Variants in RBMS3 observed in about 807,000 individuals in gnomAD.
The protein encoded by RBMS3 is RNA-binding motif, single-stranded-interacting protein 3.
In RBMS3, 27 loss-of-function variants were observed where a neutral mutation model predicts 66.8. That is an observed-to-expected ratio of 0.40 (90% CI 0.30 to 0.56). The LOEUF (loss-of-function observed/expected upper bound fraction) is 0.56, where lower values mean the gene tolerates loss of function less well. Among genes scored for constraint, RBMS3 ranks in the 20% least tolerant of loss-of-function variants. The pLI, the probability that RBMS3 is intolerant of heterozygous loss-of-function variation, is 0.40. For synonymous variants in RBMS3, 188 were observed against 183.0 expected (o/e 1.03, Z -0.22); for missense variants, 513 against 549.5 (o/e 0.93, Z 0.66).
chr3:29,883,000 G>T (rs963163030), intron 7 of RBMS3, among the ~76,000 whole-genome samples: 1 of 151,662 alleles, frequency 6.6e-6, no homozygotes, highest in African/African-American at 2.4e-5. Flanking sequence ...AGTAATTATA[G>T]TACACTATCA....
intron 12 of RBMS3, among the ~76,000 whole-genome samples, chr3:29,968,945 A>G (rs1261967789): frequency 6.6e-6 from 1 of 152,342 alleles, no homozygotes. Context: ...TGTAAGACAG[A>G]CGCAGAGTGA....
At chr3:29,726,672 A>C (rs1241338330) in intron 4 of RBMS3, among the ~76,000 whole-genome samples, 1 of 152,158 alleles carries the variant, frequency 6.6e-6, no homozygotes, top group Admixed American at 6.5e-5. Flanking sequence ...CTCTTCAAGG[A>C]GAACTACAAA....
chr3:29,792,509 C>T (rs2057047414), intron 6 of RBMS3, among the ~76,000 whole-genome samples: 1 of 152,114 alleles, frequency 6.6e-6, no homozygotes, highest in Non-Finnish European at 1.5e-5. Flanking sequence ...TAAAAAAAGA[C>T]ATCATGAACT....
chr3:29,956,142 T>G (rs1696027627), intron 12 of RBMS3, among the ~76,000 whole-genome samples: 1 of 152,132 alleles, frequency 6.6e-6, no homozygotes, highest in Admixed American at 6.6e-5. Flanking sequence ...CTTTCCCAAC[T>G]AGTTTTCTTT....
At chr3:29,998,372 A>G (rs561006036) in intron 14 of RBMS3, among the ~76,000 whole-genome samples, 10 of 152,306 alleles carry the variant, frequency 6.6e-5, no homozygotes, top group Admixed American at 5.9e-4. Context: ...TGCCATCCCC[A>G]TCAAGCTACC....
chr3:29,816,236 T>C (rs1420724102), intron 6 of RBMS3, among the ~76,000 whole-genome samples: 1 of 151,620 alleles, frequency 6.6e-6, no homozygotes, highest in Non-Finnish European at 1.5e-5. Context: ...CACAGAAGAC[T>C]GCCCGATTAG....
intron 4 of RBMS3, among the ~76,000 whole-genome samples, chr3:29,669,084 C>T (rs1168640432): frequency 6.6e-6 from 1 of 152,204 alleles, no homozygotes; most frequent in African/African-American, 2.4e-5. Flanking sequence ...GTGCCCCACG[C>T]CCTCTGGGTA....
At chr3:29,428,573 TAA>T (rs36117390) in intron 1 of RBMS3, among the ~76,000 whole-genome samples, 1,603 of 144,298 alleles carry the variant, frequency 0.011, 25 homozygotes, top group African/African-American at 0.034. Context: ...TGCTTTCTGT[TAA>T]AAAAAAAAAA....
chr3:29,401,727 A>G (rs921826663), intron 1 of RBMS3, among the ~76,000 whole-genome samples: 3 of 152,202 alleles, frequency 2.0e-5, no homozygotes, highest in South Asian at 2.1e-4. Flanking sequence ...TACTGCTGAT[A>G]AGTAAAACCA....
chr3:29,601,805 G>A (rs551808890), intron 4 of RBMS3, among the ~76,000 whole-genome samples: 3 of 151,942 alleles, frequency 2.0e-5, no homozygotes, highest in Non-Finnish European at 4.4e-5. Context: ...TTTGTTTGAT[G>A]ATGTACTTTT....
At chr3:29,971,761 C>T (rs898447573) in intron 12 of RBMS3, among the ~76,000 whole-genome samples, 2 of 152,026 alleles carry the variant, frequency 1.3e-5, no homozygotes, top group Admixed American at 6.6e-5. Context: ...AGAGAAAAAG[C>T]TGTTAGATGT....
intron 8 of RBMS3, among the ~76,000 whole-genome samples, chr3:29,889,261 A>G (rs1364523595): frequency 6.6e-6 from 1 of 151,680 alleles, no homozygotes; most frequent in African/African-American, 2.4e-5. Flanking sequence ...CACCACACAC[A>G]TACACATGCA....
In RBMS3 at chr3:29,787,739, T is replaced by C. The variant is rs1394782434; in HGVS notation, c.637+24750T>C. On this transcript the variant is annotated intron_variant, in intron 6 of 14. Coordinates refer to ENST00000383767, the MANE Select transcript of RBMS3 (RefSeq NM_001003793.3). ...AAGGCCACACACTGAGTACAGCATATGCTGCTAGGGTCATGGGTGCACCAA... is the reference window on the plus strand; with the variant it reads ...AAGGCCACACACTGAGTACAGCATACGCTGCTAGGGTCATGGGTGCACCAA... Among the ~76,000 whole-genome samples, 3 of 152,136 alleles carry C rather than the reference T, an allele frequency of 2.0e-5. No homozygotes were observed. In the East Asian group the frequency reaches 5.8e-4, roughly 29 times the overall value.
chr3:29,669,120 T>G (rs1474507237), intron 4 of RBMS3, among the ~76,000 whole-genome samples: 3 of 152,186 alleles, frequency 2.0e-5, no homozygotes, highest in Non-Finnish European at 4.4e-5. Flanking sequence ...CAAAAAGCTA[T>G]TCTCCTTGTC....
At chr3:29,649,261 C>T (rs2050057065) in intron 4 of RBMS3, among the ~76,000 whole-genome samples, 1 of 152,110 alleles carries the variant, frequency 6.6e-6, no homozygotes, top group Admixed American at 6.5e-5. Context: ...CTGTGCCCAT[C>T]ATTAAGAAAG....
chr3:29,591,347 G>T (rs1304637431), intron 4 of RBMS3, among the ~76,000 whole-genome samples: 1 of 152,132 alleles, frequency 6.6e-6, no homozygotes, highest in East Asian at 1.9e-4. Flanking sequence ...GAAGTTATCT[G>T]TCTGAATTCC....
At chr3:29,282,335 G>A (rs2031881122) in intron 1 of RBMS3, among the ~76,000 whole-genome samples, 1 of 152,130 alleles carries the variant, frequency 6.6e-6, no homozygotes, top group African/African-American at 2.4e-5. Context: ...TGATCAGCAT[G>A]CTACAGACTG....
At chr3:29,643,474 G>A (rs1020439396) in intron 4 of RBMS3, among the ~76,000 whole-genome samples, 2 of 152,060 alleles carry the variant, frequency 1.3e-5, no homozygotes, top group Non-Finnish European at 2.9e-5. Flanking sequence ...ATTGCCGAGG[G>A]TGTCTTAGCT....
intron 6 of RBMS3, among the ~76,000 whole-genome samples, chr3:29,779,283 G>A (rs143979723): frequency 3.1e-3 from 461 of 150,326 alleles, no homozygotes; most frequent in Middle Eastern, 6.8e-3. Flanking sequence ...GTGTGTGTGT[G>A]TATATATATG....
Sources: gnomAD v4.1 joint callset for allele counts (sites outside exome capture counted in the v4.1 genomes callset) on GRCh38, gnomAD v4.1.1 for gene constraint, MANE v1.5 for transcripts, NCBI Gene and HGNC (gene_info 2026-07-23, HGNC 2026-07-21) for gene names.